The following CLIP2 variants were observed in gnomAD, a reference collection of about 807,000 sequenced individuals.
CLIP2 encodes the protein CAP-Gly domain containing linker protein 2.
A neutral mutation model predicts 111.7 loss-of-function variants in CLIP2; 41 were observed. That is an observed-to-expected ratio of 0.37 (90% CI 0.29 to 0.48). The LOEUF (loss-of-function observed/expected upper bound fraction) is 0.48, where lower values mean the gene tolerates loss of function less well. Among genes scored for constraint, CLIP2 ranks in the 20% least tolerant of loss-of-function variants. The pLI, the probability that CLIP2 is intolerant of heterozygous loss-of-function variation, is 0.99. For synonymous variants in CLIP2, 660 were observed against 644.2 expected (o/e 1.02, Z -0.37); for missense variants, 1,160 against 1,422.1 (o/e 0.82, Z 2.96).
At chr7:74,373,081 C>T in intron 9 of CLIP2, 45 bp downstream of exon 9, 1 of 1,187,234 alleles carries the variant, frequency 8.4e-7, no homozygotes, top group Non-Finnish European at 1.2e-6. Flanking sequence ...CCACCTTGCC[C>T]TTTGATGCCC....
intron 3 of CLIP2, among the ~76,000 whole-genome samples, chr7:74,349,581 T>C (rs1789921122): frequency 6.8e-6 from 1 of 146,810 alleles, no homozygotes; most frequent in South Asian, 2.2e-4. Flanking sequence ...GAAAACATGA[T>C]GCTAAGTGAA....
At chr7:74,304,578 A>G (rs797033294) in intron 1 of CLIP2, among the ~76,000 whole-genome samples, 3 of 149,978 alleles carry the variant, frequency 2.0e-5, no homozygotes, top group Non-Finnish European at 4.5e-5. Flanking sequence ...AAAGTTTAAG[A>G]AATCTGTTAG....
In CLIP2 at chr7:74,340,298, A is replaced by G. The variant is rs1554305140; in HGVS notation, c.678+1294A>G. ...ATAATCCCAGCTACTTGGGAAGCTG[A>G]GGCAGGAGAATCACTTGAACCCAGG... On this transcript the variant is annotated intron_variant, in intron 3 of 16. Coordinates refer to ENST00000223398, the MANE Select transcript of CLIP2 (RefSeq NM_003388.5). Among the ~76,000 whole-genome samples the G allele has an allele frequency of 1.3e-5, 2 of 150,970 alleles. 1 individual carries two copies. The highest frequency in any genetic ancestry group is 4.2e-4 in the South Asian group (2 of 4,778).
chr7:74,336,034 G>A (rs1188614181), intron 2 of CLIP2, among the ~76,000 whole-genome samples: 4 of 150,324 alleles, frequency 2.7e-5, no homozygotes, highest in African/African-American at 7.3e-5. Context: ...AAGCCACTGC[G>A]CCTGGCCTCT....
At position 74,304,149 on chromosome 7, in the gene CLIP2, A is replaced by G. The variant is rs1362575801; in HGVS notation, c.-67-13331A>G. ...GGCTGGTCTCGAACTCCTGGCCTCA[A>G]ATGATCTTGCCTTGGCATCCCAGAG... On this transcript the variant is annotated intron_variant, in intron 1 of 16. Coordinates refer to ENST00000223398, the MANE Select transcript of CLIP2 (RefSeq NM_003388.5). Among the ~76,000 whole-genome samples the G allele has an allele frequency of 7.2e-5, 11 of 151,918 alleles. No individual in the cohort carries two copies. In the East Asian group the frequency reaches 1.4e-3, roughly 19 times the overall value.
chr7:74,309,456 C>T (rs1788585049), intron 1 of CLIP2, among the ~76,000 whole-genome samples: 1 of 152,200 alleles, frequency 6.6e-6, no homozygotes, highest in South Asian at 2.1e-4. Context: ...CAGGCCCAGG[C>T]AACCACTAAT....
intron 11 of CLIP2, chr7:74,386,283 G>T (rs1026357129): frequency 8.9e-6 from 3 of 338,930 alleles, no homozygotes; most frequent in Non-Finnish European, 1.6e-5. Flanking sequence ...CAGGTGATCC[G>T]CCGGCCTCGG....
chr7:74,398,084 C>A (rs183366875), intron 14 of CLIP2, among the ~76,000 whole-genome samples: 2 of 151,484 alleles, frequency 1.3e-5, no homozygotes, highest in Non-Finnish European at 2.9e-5. Flanking sequence ...CTTGGCCAGG[C>A]GCAATGGCTC....
At chr7:74,299,168 TA>T (rs879992147) in intron 1 of CLIP2, among the ~76,000 whole-genome samples, 16 of 151,748 alleles carry the variant, frequency 1.1e-4, no homozygotes, top group Non-Finnish European at 2.2e-4. Flanking sequence ...CCTGTCTCTA[TA>T]AAAAATACAA....
intron 3 of CLIP2, among the ~76,000 whole-genome samples, chr7:74,341,360 T>G (rs1554305346): frequency 6.6e-6 from 1 of 151,624 alleles, no homozygotes; most frequent in Admixed American, 6.6e-5. Flanking sequence ...GCTAATTTTT[T>G]GTATTTTTAG....
chr7:74,309,435 A>G (rs1285619340), intron 1 of CLIP2, among the ~76,000 whole-genome samples: 1 of 152,236 alleles, frequency 6.6e-6, no homozygotes, highest in Non-Finnish European at 1.5e-5. Flanking sequence ...TTTGCAGCCA[A>G]TCTGTGTTTC....
chr7:74,361,176 TTTCCTTCC>T (rs61684239), intron 7 of CLIP2, among the ~76,000 whole-genome samples: 38 of 62,118 alleles, frequency 6.1e-4, no homozygotes, highest in South Asian at 2.4e-3. Flanking sequence ...CCCTCCCTTC[TTTCCTTCC>T]TTCCTTCCTT....
chr7:74,368,002 C>T (rs1350710846), intron 8 of CLIP2, among the ~76,000 whole-genome samples: 2 of 152,120 alleles, frequency 1.3e-5, no homozygotes, highest in East Asian at 1.9e-4. Flanking sequence ...TGATTAAGCC[C>T]AGAAGTTCGA....
At chr7:74,315,620 G>T (rs1788749488) in intron 1 of CLIP2, among the ~76,000 whole-genome samples, 1 of 151,848 alleles carries the variant, frequency 6.6e-6, no homozygotes, top group South Asian at 2.1e-4. Flanking sequence ...GCCCAGGCTG[G>T]AGTGCAGTGG....
intron 2 of CLIP2, among the ~76,000 whole-genome samples, chr7:74,331,521 T>A (rs1789277268): frequency 6.6e-6 from 1 of 151,428 alleles, no homozygotes; most frequent in Non-Finnish European, 1.5e-5. Flanking sequence ...AATTTGTTTC[T>A]TTCTTTCTTT....
chr7:74,367,966 A>T (rs1253023739), intron 8 of CLIP2, among the ~76,000 whole-genome samples: 1 of 152,122 alleles, frequency 6.6e-6, no homozygotes, highest in Admixed American at 6.5e-5. Flanking sequence ...TAATCCAAGC[A>T]CTTTGGGAAG....
chr7:74,336,980 G>C (rs1789491868), intron 2 of CLIP2, among the ~76,000 whole-genome samples: 1 of 151,290 alleles, frequency 6.6e-6, no homozygotes, highest in Non-Finnish European at 1.5e-5. Context: ...CTGCCTCCTG[G>C]GTTCAAGCAA....
chr7:74,376,054 G>C lies in CLIP2; in HGVS notation c.1653G>C (p.Ser551=). The change falls in exon 10 of 17, where the codon TCG becomes TCC. Residue 551 remains serine (S), a synonymous_variant. Transcript: ENST00000223398. The surrounding 1 kb of genome is among the most constrained non-coding windows in gnomAD (Gnocchi z 7.1). ...TGCGGCTACGGGAGCGGCTGCTCTCGGCCAGCAAGGAACACCAGAGGGAGA... is the reference window on the plus strand; with the variant it reads ...TGCGGCTACGGGAGCGGCTGCTCTCCGCCAGCAAGGAACACCAGAGGGAGA... ...EILRLRERLL[S]ASKEHQRESG... 6.2e-7 allele frequency: 1 copy of C among 1,612,622 alleles called. No individual in the cohort carries two copies. Among genetic ancestry groups the C allele is most frequent in the Non-Finnish European group, 8.5e-7 (1 of 1,179,846 alleles).
intron 3 of CLIP2, among the ~76,000 whole-genome samples, chr7:74,350,179 G>A (rs1406141214): frequency 6.6e-5 from 10 of 151,976 alleles, no homozygotes; most frequent in African/African-American, 2.4e-4. Context: ...AGCCTCCTGA[G>A]TAGCTGGGAT....
Sources: allele counts gnomAD v4.1 joint callset (sites outside exome capture counted in the v4.1 genomes callset), GRCh38; gene constraint gnomAD v4.1.1; non-coding constraint Gnocchi (gnomAD v3.1); transcripts MANE v1.5; gene names NCBI Gene and HGNC (gene_info 2026-07-23, HGNC 2026-07-21).